CEP128: variants seen among roughly 807,000 people sequenced by gnomAD.
CEP128 encodes centrosomal protein 128kDa.
Under a neutral mutation model 156.7 loss-of-function variants are expected in CEP128, and 132 were observed. The ratio of observed to expected loss-of-function variants is 0.84; its 90% CI spans 0.73 to 0.97. CEP128 has a LOEUF of 0.97. Ranked by LOEUF, CEP128 falls within the 50% of genes least tolerant of loss-of-function variation. The pLI is 0.00. For missense variants in CEP128, 1,252 were observed against 1,281.9 expected, an observed-to-expected ratio of 0.98 and a Z score of 0.36; for synonymous variants, 469 against 448.9, an observed-to-expected ratio of 1.04 and a Z score of -0.57.
chr14:80,626,017 G>C (rs887437240), intron 19 of CEP128, among the ~76,000 whole-genome samples: 78 of 152,060 alleles, frequency 5.1e-4, no homozygotes, highest in Non-Finnish European at 9.6e-4. Context: ...TGAATAATCA[G>C]CCCCAAAGAT....
chr14:80,839,987 C>T (rs1886272549), intron 10 of CEP128, among the ~76,000 whole-genome samples: 1 of 152,100 alleles, frequency 6.6e-6, no homozygotes, highest in African/African-American at 2.4e-5. Flanking sequence ...GCCTAACATA[C>T]TTCGCTTACC....
chr14:80,596,819 CAAAA>C (rs57402112), intron 19 of CEP128, among the ~76,000 whole-genome samples: 20 of 14,048 alleles, frequency 1.4e-3, no homozygotes, highest in African/African-American at 4.4e-3. Context: ...GACACTGTCA[CAAAA>C]AAAAAAAAAA....
intron 19 of CEP128, among the ~76,000 whole-genome samples, chr14:80,714,130 G>C (rs1897513796): frequency 6.6e-6 from 1 of 152,142 alleles, no homozygotes; most frequent in Non-Finnish European, 1.5e-5. Context: ...TAGCAGAAGT[G>C]AGCAGTTATC....
At chr14:80,760,280 T>A (rs1181147947) in intron 17 of CEP128, among the ~76,000 whole-genome samples, 2 of 151,952 alleles carry the variant, frequency 1.3e-5, no homozygotes, top group Admixed American at 1.3e-4. Flanking sequence ...TAAAAAAAAA[T>A]TGTAAATGGG....
In CEP128 at chr14:80,880,277, CA is replaced by C. The variant is rs367932031; in HGVS notation, c.645+15440del. ...AAAAAAAGCATTTATCGAAGTCCAA[CA>C]TACTTTCTTGATAAAAACTGTCAAC... On this transcript the variant is annotated intron_variant, in intron 8 of 24. Coordinates refer to ENST00000555265, the MANE Select transcript of CEP128 (RefSeq NM_152446.5). 3.9e-3 allele frequency among the ~76,000 whole-genome samples: 599 copies of C among 151,938 alleles called. 4 individuals carry two copies. Among genetic ancestry groups the C allele is most frequent in the African/African-American group, 0.013 (551 of 41,488 alleles).
At chr14:80,892,448 T>A (rs1248258906) in intron 8 of CEP128, among the ~76,000 whole-genome samples, 1 of 152,008 alleles carries the variant, frequency 6.6e-6, no homozygotes, top group Admixed American at 6.6e-5. Context: ...ATAAAATTCC[T>A]ATAAGAGAAC....
intron 9 of CEP128, among the ~76,000 whole-genome samples, chr14:80,859,553 TA>T (rs1566676107): frequency 6.7e-6 from 1 of 149,406 alleles, no homozygotes; most frequent in Non-Finnish European, 1.5e-5. Flanking sequence ...ATAATAATAA[TA>T]AATTAATTAA....
chr14:80,689,505 C>T (rs970916077), intron 19 of CEP128, among the ~76,000 whole-genome samples: 41 of 152,218 alleles, frequency 2.7e-4, no homozygotes, highest in African/African-American at 9.9e-4. Context: ...GTTACCAGAA[C>T]TACTAGCATT....
rs114256502 is a variant in CEP128 at position 80,699,480 on chromosome 14, A to G, written c.2806+43595T>C. 5.6e-3 allele frequency among the ~76,000 whole-genome samples: 846 copies of G among 152,310 alleles called. 8 individuals are homozygous for G. The highest frequency in any genetic ancestry group is 0.019 in the African/African-American group (806 of 41,562). On this transcript the variant is annotated intron_variant, in intron 19 of 24. Coordinates refer to ENST00000555265, the MANE Select transcript of CEP128 (RefSeq NM_152446.5). ...ACACAAGTACTGCAAGGGGAGATATATTCATTTCTACTAAAGTATTTCAAC... is the reference window on the plus strand; with the variant it reads ...ACACAAGTACTGCAAGGGGAGATATGTTCATTTCTACTAAAGTATTTCAAC...
At chr14:80,557,073 T>TAATC (rs1427040293) in intron 21 of CEP128, among the ~76,000 whole-genome samples, 1 of 152,216 alleles carries the variant, frequency 6.6e-6, no homozygotes, top group Non-Finnish European at 1.5e-5. Flanking sequence ...TCTAGTCCTT[T>TAATC]AATCAATTTT....
At chr14:80,669,948 G>A (rs1268206829) in intron 19 of CEP128, among the ~76,000 whole-genome samples, 1 of 152,104 alleles carries the variant, frequency 6.6e-6, no homozygotes, top group African/African-American at 2.4e-5. Flanking sequence ...TCTGCTTCTG[G>A]GGAGGCCTCA....
chr14:80,684,698 CAA>C (rs536368254), intron 19 of CEP128, among the ~76,000 whole-genome samples: 4 of 106,278 alleles, frequency 3.8e-5, no homozygotes, highest in Admixed American at 9.5e-5. Flanking sequence ...CAAAAATCCT[CAA>C]AAAAAAAAAA....
At chr14:80,882,542 C>G (rs1888602869) in intron 8 of CEP128, among the ~76,000 whole-genome samples, 1 of 152,092 alleles carries the variant, frequency 6.6e-6, no homozygotes. Flanking sequence ...ACAGAGCTAC[C>G]ACATGATCCA....
chr14:80,485,755 G>A (rs564694626), downstream of CEP128, among the ~76,000 whole-genome samples: 2 of 152,134 alleles, frequency 1.3e-5, no homozygotes, highest in African/African-American at 2.4e-5. Flanking sequence ...ATGTTTTCTC[G>A]AGTGGAAGGC....
chr14:80,524,417 T>A (rs1408569558), intron 23 of CEP128, among the ~76,000 whole-genome samples: 2 of 152,206 alleles, frequency 1.3e-5, no homozygotes, highest in East Asian at 1.9e-4. Context: ...ATTTCTCTTA[T>A]CTGAAGCATT....
At chr14:80,843,043 TA>T (rs71103887) in intron 9 of CEP128, among the ~76,000 whole-genome samples, 16,371 of 150,246 alleles carry the variant, frequency 0.11, 1,398 homozygotes, top group East Asian at 0.44. Flanking sequence ...TTATATATAA[TA>T]AAAAAAAAGG....
At chr14:80,718,555 A>C (rs1897695409) in intron 19 of CEP128, among the ~76,000 whole-genome samples, 1 of 152,228 alleles carries the variant, frequency 6.6e-6, no homozygotes, top group Non-Finnish European at 1.5e-5. Flanking sequence ...GAGAATTTGG[A>C]ACACAGAATA....
downstream of CEP128, among the ~76,000 whole-genome samples, chr14:80,492,303 T>C (rs2140160242): frequency 6.6e-6 from 1 of 152,342 alleles, no homozygotes; most frequent in Non-Finnish European, 1.5e-5. Context: ...TGATCTCATT[T>C]TACCAAGAGA....
At chr14:80,619,244 T>C (rs982993469) in intron 19 of CEP128, among the ~76,000 whole-genome samples, 2 of 151,836 alleles carry the variant, frequency 1.3e-5, no homozygotes, top group Non-Finnish European at 2.9e-5. Context: ...TAAAAAACAC[T>C]CAAGGAAATG....
Sources: allele counts gnomAD v4.1 joint callset (sites outside exome capture counted in the v4.1 genomes callset), GRCh38; gene constraint gnomAD v4.1.1; transcripts MANE v1.5; gene names NCBI Gene and HGNC (gene_info 2026-07-23, HGNC 2026-07-21).